Variants in DNM2 observed in about 807,000 individuals in gnomAD.
The protein encoded by DNM2 is dynamin 2.
DNM2 carries 15 observed loss-of-function variants against 99.0 expected under a neutral mutation model. The observed-to-expected ratio is 0.15, with a 90% CI of 0.10 to 0.23. The LOEUF (loss-of-function observed/expected upper bound fraction) is 0.23. Ranked by LOEUF, DNM2 falls within the 10% of genes least tolerant of loss-of-function variation. The pLI, the probability that DNM2 is intolerant of heterozygous loss-of-function variation, is 1.00. For missense variants in DNM2, 742 were observed against 1,189.4 expected (o/e 0.62, Z 5.53); for synonymous variants, 525 against 481.2 (o/e 1.09, Z -1.19).
intron 15 of DNM2, among the ~76,000 whole-genome samples, chr19:10,813,518 TTCTGACTA>T (rs1265536486): frequency 6.6e-6 from 1 of 152,224 alleles, no homozygotes; most frequent in Non-Finnish European, 1.5e-5. Context: ...AGGTCCTCTC[TTCTGACTA>T]CTTTGAAATA....
At chr19:10,754,433 A>G (rs2070314042) in intron 1 of DNM2, among the ~76,000 whole-genome samples, 1 of 151,680 alleles carries the variant, frequency 6.6e-6, no homozygotes, top group Non-Finnish European at 1.5e-5. Flanking sequence ...TTTGTATTTT[A>G]GTAGAGACGG....
At chr19:10,803,513 T>C in intron 12 of DNM2, 1 of 665,198 alleles carries the variant, frequency 1.5e-6, no homozygotes, top group Non-Finnish European at 1.9e-6. Flanking sequence ...TTTGGTTTGC[T>C]GCTGTTTTCC....
rs570445356 is a variant in DNM2 at position 10,796,990 on chromosome 19, C to G, written c.1197-390C>G. Among the ~76,000 whole-genome samples the G allele has an allele frequency of 3.3e-5, 5 of 152,196 alleles. No homozygotes were observed. The South Asian group carries it at 1.0e-3, about 32-fold the overall frequency. On this transcript the variant is annotated intron_variant, in intron 9 of 20. Transcript: ENST00000389253. The surrounding 1 kb of genome is among the most constrained non-coding windows in gnomAD (Gnocchi z 5.6). ...CTGCTTGAGCCCCTCTGTTCTTAGT[C>G]TGGAAAAGCCCACATTTGCTGCTTA...
In DNM2 at chr19:10,817,421, G is replaced by T; in HGVS notation, c.1672-2559G>T. 1 of 512,658 alleles carries T rather than the reference G, an allele frequency of 2.0e-6. No individual in the cohort carries two copies. The highest frequency in any genetic ancestry group is 4.0e-6 in the Non-Finnish European group (1 of 249,478). 31.8% of individuals were successfully genotyped at this position (512,658 alleles called of 1,614,324 possible). On this transcript the variant is annotated intron_variant, in intron 15 of 20. Coordinates refer to ENST00000389253, the MANE Select transcript of DNM2 (RefSeq NM_001005361.3). The surrounding 1 kb of genome is among the most constrained non-coding windows in gnomAD (Gnocchi z 4.6). The stretch of plus-strand genomic sequence containing the variant: ...CTGTCTCGACGAGCCGCTCACCCAA[G>T]CCCAGCCTAACCAATGTGCAGACTA...
At chr19:10,718,686 G>A (rs2068834987) in intron 1 of DNM2, 2 of 288,888 alleles carry the variant, frequency 6.9e-6, no homozygotes, top group Admixed American at 5.4e-5. Flanking sequence ...CCCAGCTTTC[G>A]TGGGTGAAGT....
At chr19:10,753,609 A>G (rs1426274767) in intron 1 of DNM2, among the ~76,000 whole-genome samples, 1 of 151,766 alleles carries the variant, frequency 6.6e-6, no homozygotes, top group Non-Finnish European at 1.5e-5. Flanking sequence ...TGGATAGGCC[A>G]TAATTTATAT....
chr19:10,736,065 C>T lies in DNM2; in HGVS notation c.161+17662C>T, dbSNP rs550792061. Among the ~76,000 whole-genome samples, 9 of 152,146 alleles carry T rather than the reference C, an allele frequency of 5.9e-5. No homozygotes were observed. The South Asian group carries it at 1.7e-3, about 28-fold the overall frequency. On this transcript the variant is annotated intron_variant, in intron 1 of 20. Transcript: ENST00000389253. ...ATCACTTGAGGTCAGGAGTTTGAAA[C>T]TGGCCTGGCCAACATGGTGAAACTC...
chr19:10,780,705 A>G (rs901080542), intron 5 of DNM2, among the ~76,000 whole-genome samples: 1 of 152,074 alleles, frequency 6.6e-6, no homozygotes, highest in Non-Finnish European at 1.5e-5. Flanking sequence ...AGTTGGGAGG[A>G]TGGCTTGAGG....
chr19:10,729,525 A>G (rs10404348), intron 1 of DNM2, among the ~76,000 whole-genome samples: 88,084 of 151,872 alleles, frequency 0.58, 25,707 homozygotes, highest in South Asian at 0.65. Flanking sequence ...ATCGCAGGCC[A>G]GGGAAACAGC....
chr19:10,738,744 C>T (rs1348847684), intron 1 of DNM2, among the ~76,000 whole-genome samples: 3 of 151,876 alleles, frequency 2.0e-5, no homozygotes, highest in South Asian at 2.1e-4. Flanking sequence ...GTGGTGGGTG[C>T]CTGTAATCCC....
chr19:10,794,483 T>C (rs1003652861), intron 8 of DNM2, among the ~76,000 whole-genome samples: 8 of 152,114 alleles, frequency 5.3e-5, no homozygotes, highest in African/African-American at 1.9e-4. Flanking sequence ...ATGCAGTGGC[T>C]CACGCCTATA....
rs536374023 is a variant in DNM2, at chr19:10,783,354, G to A, written c.849+234G>A. On this transcript the variant is annotated intron_variant, in intron 6 of 20. Transcript: ENST00000389253. ...TGGTGGCACATGCCTGTAGTCCCAG[G>A]TACTCAGGAGGCTGAGGCAGGAGGA... is the stretch of plus-strand genomic sequence containing the variant. Among the ~76,000 whole-genome samples the A allele has an allele frequency of 1.2e-3, 183 of 152,250 alleles. 5 individuals are homozygous for A. In the South Asian group the frequency reaches 0.036, roughly 30 times the overall value.
chr19:10,746,372 C>T (rs552833141), intron 1 of DNM2, among the ~76,000 whole-genome samples: 2 of 152,270 alleles, frequency 1.3e-5, no homozygotes, highest in Non-Finnish European at 2.9e-5. Flanking sequence ...AACTGTCAAA[C>T]CGTCAAATGT....
At chr19:10,786,037 T>C (rs1485686456) in intron 6 of DNM2, among the ~76,000 whole-genome samples, 1 of 152,172 alleles carries the variant, frequency 6.6e-6, no homozygotes, top group Non-Finnish European at 1.5e-5. Flanking sequence ...TGATCTTAAG[T>C]GATCCTTCTG....
At chr19:10,726,357 G>A (rs538656964) in intron 1 of DNM2, among the ~76,000 whole-genome samples, 3 of 152,044 alleles carry the variant, frequency 2.0e-5, no homozygotes, top group Admixed American at 6.6e-5. Context: ...CGCCGAACCC[G>A]GCCTTAGTTT....
Position 10,758,898 on chromosome 19 carries a change from G to A in DNM2, c.162-840G>A, listed in dbSNP as rs887775894. Among the ~76,000 whole-genome samples the A allele has an allele frequency of 3.9e-5, 6 of 152,146 alleles. No homozygotes were observed. The East Asian group carries it at 7.7e-4, about 20-fold the overall frequency. ...TCTGTCGAATAGTAATTTACATTCC[G>A]CGAAATCGATCCATTTCAGAATTAG... On this transcript the variant is annotated intron_variant, in intron 1 of 20. Transcript: ENST00000389253.
intron 12 of DNM2, chr19:10,803,582 T>C: frequency 8.2e-6 from 8 of 972,990 alleles, no homozygotes; most frequent in Non-Finnish European, 9.8e-6. Flanking sequence ...CAATCTCTCC[T>C]GTTTTTCCTT....
chr19:10,728,268 G>C (rs1188202638), intron 1 of DNM2, among the ~76,000 whole-genome samples: 1 of 152,220 alleles, frequency 6.6e-6, no homozygotes, highest in Non-Finnish European at 1.5e-5. Flanking sequence ...AGGGGTGGCA[G>C]CTGCTGCTCT....
At chr19:10,721,339 C>T (rs571917126) in intron 1 of DNM2, among the ~76,000 whole-genome samples, 6 of 151,978 alleles carry the variant, frequency 3.9e-5, no homozygotes, top group Non-Finnish European at 7.4e-5. Flanking sequence ...GTATTTTTAG[C>T]AGAGATGGGG....
Sources: allele counts gnomAD v4.1 joint callset (sites outside exome capture counted in the v4.1 genomes callset), GRCh38; gene constraint gnomAD v4.1.1; non-coding constraint Gnocchi (gnomAD v3.1); transcripts MANE v1.5; gene names NCBI Gene and HGNC (gene_info 2026-07-23, HGNC 2026-07-21).